Variants in GHR observed in about 807,000 individuals in gnomAD.
The protein encoded by GHR is growth hormone receptor.
GHR carries 35 observed loss-of-function variants against 67.1 expected under a neutral mutation model. The observed-to-expected ratio is 0.52, with a 90% CI of 0.40 to 0.69. The LOEUF is 0.69. Among genes scored for constraint, GHR ranks in the 30% least tolerant of loss-of-function variants. The pLI, the probability that GHR is intolerant of heterozygous loss-of-function variation, is 0.00. For missense variants in GHR, 792 were observed against 764.6 expected, an observed-to-expected ratio of 1.04 and a Z score of -0.42; for synonymous variants, 272 against 269.1, an observed-to-expected ratio of 1.01 and a Z score of -0.10.
At chr5:42,617,707 G>A (rs986329403) in intron 2 of GHR, among the ~76,000 whole-genome samples, 2 of 152,130 alleles carry the variant, frequency 1.3e-5, no homozygotes, top group Non-Finnish European at 1.5e-5. Context: ...TATGGGGCAG[G>A]TTGCCCCTTC....
intron 2 of GHR, among the ~76,000 whole-genome samples, chr5:42,585,986 G>A (rs554726631): frequency 1.3e-5 from 2 of 152,290 alleles, no homozygotes; most frequent in East Asian, 1.9e-4. Context: ...TTCTTCATAT[G>A]TAAAAGGAGA....
At chr5:42,429,884 G>A (rs1200312475) in intron 1 of GHR, among the ~76,000 whole-genome samples, 2 of 152,286 alleles carry the variant, frequency 1.3e-5, no homozygotes, top group African/African-American at 2.4e-5. Flanking sequence ...CTAGCAATCA[G>A]GCATTTATTG....
At chr5:42,481,671 T>G (rs1387529931) in intron 1 of GHR, among the ~76,000 whole-genome samples, 5 of 152,230 alleles carry the variant, frequency 3.3e-5, no homozygotes, top group African/African-American at 7.2e-5. Context: ...CCAGTTGATC[T>G]CATCGGCTAC....
chr5:42,703,540 T>G (rs1010641551), intron 6 of GHR, among the ~76,000 whole-genome samples: 1 of 152,088 alleles, frequency 6.6e-6, no homozygotes, highest in Non-Finnish European at 1.5e-5. Flanking sequence ...CATAGTCTAT[T>G]GCAGTTGCAT....
chr5:42,564,678 T>C (rs1438023415), intron 1 of GHR, among the ~76,000 whole-genome samples: 1 of 152,212 alleles, frequency 6.6e-6, no homozygotes, highest in East Asian at 1.9e-4. Flanking sequence ...TACACAGCCA[T>C]TGCCGGGGGC....
At chr5:42,513,707 G>A (rs185027274) in intron 1 of GHR, among the ~76,000 whole-genome samples, 1 of 151,966 alleles carries the variant, frequency 6.6e-6, no homozygotes, top group Non-Finnish European at 1.5e-5. Context: ...GCTTGAACTC[G>A]GGAGGCGGAG....
intron 1 of GHR, among the ~76,000 whole-genome samples, chr5:42,556,794 A>G (rs940302260): frequency 6.6e-6 from 1 of 152,186 alleles, no homozygotes; most frequent in Non-Finnish European, 1.5e-5. Flanking sequence ...ATGTGGTCCT[A>G]GTGAAACAGA....
chr5:42,590,145 T>C lies in GHR; in HGVS notation c.70+24201T>C, dbSNP rs114096409. ...GAAGGTGAGAATAAGTGAGAAGTAA[T>C]TGCTCTTTACTCTCAATTATAGCTG... On this transcript the variant is annotated intron_variant, in intron 2 of 9. Coordinates refer to ENST00000230882, the MANE Select transcript of GHR (RefSeq NM_000163.5). 2.0e-3 allele frequency among the ~76,000 whole-genome samples: 311 copies of C among 152,330 alleles called. 2 individuals are homozygous for C. The highest frequency in any genetic ancestry group is 0.014 in the Middle Eastern group (4 of 294).
At chr5:42,429,985 T>C (rs890431903) in intron 1 of GHR, among the ~76,000 whole-genome samples, 1 of 152,220 alleles carries the variant, frequency 6.6e-6, no homozygotes, top group East Asian at 1.9e-4. Context: ...CTTGGGCAAC[T>C]GGGATTTAAG....
chr5:42,670,422 A>T (rs1297171249), intron 3 of GHR, among the ~76,000 whole-genome samples: 1 of 152,214 alleles, frequency 6.6e-6, no homozygotes, highest in Non-Finnish European at 1.5e-5. Context: ...AAACTAATGC[A>T]GAAAATATAG....
chr5:42,464,936 T>C (rs150238911), intron 1 of GHR, among the ~76,000 whole-genome samples: 1 of 152,316 alleles, frequency 6.6e-6, no homozygotes, highest in African/African-American at 2.4e-5. Context: ...CACTGGAATA[T>C]ATTTATTTTG....
intron 2 of GHR, among the ~76,000 whole-genome samples, chr5:42,571,175 C>G (rs569091176): frequency 6.6e-6 from 1 of 152,338 alleles, no homozygotes; most frequent in African/African-American, 2.4e-5. Context: ...GGCACTTGCA[C>G]AGAACAACTC....
intron 5 of GHR, among the ~76,000 whole-genome samples, chr5:42,698,186 T>C (rs1229263373): frequency 6.6e-6 from 1 of 152,166 alleles, no homozygotes; most frequent in Non-Finnish European, 1.5e-5. Flanking sequence ...CAATATAGCA[T>C]GTAGATTTAT....
chr5:42,700,033 TTTTC>T lies in GHR; in HGVS notation c.618+37_618+40del, dbSNP rs34018987. The stretch of plus-strand genomic sequence containing the variant: ...ATGTTGCTACACCTTACACTTTGAC[TTTTC>T]TTTCTATTTCAACAAACTCTCTCTC... On this transcript the variant is annotated intron_variant, in intron 6 of 9. Coordinates refer to ENST00000230882, the MANE Select transcript of GHR (RefSeq NM_000163.5). 196 of 1,387,500 alleles carry T rather than the reference TTTTC, an allele frequency of 1.4e-4. 2 individuals carry two copies. Among genetic ancestry groups the T allele is most frequent in the African/African-American group, 1.3e-3 (89 of 70,940 alleles). 85.9% of individuals were successfully genotyped at this position (1,387,500 alleles called of 1,614,324 possible).
chr5:42,453,870 T>C (rs1021399527), intron 1 of GHR, among the ~76,000 whole-genome samples: 1 of 152,196 alleles, frequency 6.6e-6, no homozygotes, highest in East Asian at 1.9e-4. Context: ...TATTGGGGTA[T>C]AGGTGCAGAC....
chr5:42,581,679 T>C lies in GHR; in HGVS notation c.70+15735T>C, dbSNP rs575806917. On this transcript the variant is annotated intron_variant, in intron 2 of 9. Coordinates refer to ENST00000230882, the MANE Select transcript of GHR (RefSeq NM_000163.5). ...TGGAATTGATGGCAGCAGCGGCCCA[T>C]CTGGAGCCGCTGCTGTGAAGATGCC... Among the ~76,000 whole-genome samples, 57 of 152,222 alleles carry C rather than the reference T, an allele frequency of 3.7e-4. 1 individual carries two copies. The South Asian group carries it at 7.7e-3, about 20-fold the overall frequency.
intron 1 of GHR, among the ~76,000 whole-genome samples, chr5:42,437,548 T>A (rs1292589227): frequency 6.6e-6 from 1 of 150,792 alleles, no homozygotes; most frequent in Non-Finnish European, 1.5e-5. Flanking sequence ...TATTTATTTA[T>A]TTATTTATTT....
intron 1 of GHR, among the ~76,000 whole-genome samples, chr5:42,456,114 C>T (rs1481150653): frequency 2.0e-5 from 3 of 152,200 alleles, no homozygotes; most frequent in Non-Finnish European, 4.4e-5. Context: ...AGATGGAGAA[C>T]ATCCTGGCCA....
intron 2 of GHR, among the ~76,000 whole-genome samples, chr5:42,592,701 G>T (rs1006325979): frequency 6.6e-6 from 1 of 152,126 alleles, no homozygotes; most frequent in African/African-American, 2.4e-5. Flanking sequence ...CTTTGTTATT[G>T]TGAATAGAGC....
Sources: gnomAD v4.1 joint callset for allele counts (sites outside exome capture counted in the v4.1 genomes callset) on GRCh38, gnomAD v4.1.1 for gene constraint, MANE v1.5 for transcripts, NCBI Gene and HGNC (gene_info 2026-07-23, HGNC 2026-07-21) for gene names.